CSRP1: variants seen among roughly 807,000 people sequenced by gnomAD.
CSRP1 encodes cysteine and glycine-rich protein 1.
In CSRP1, 16 loss-of-function variants were observed where a neutral mutation model predicts 25.4. That is an observed-to-expected ratio of 0.63 (90% CI 0.43 to 0.96). The LOEUF (loss-of-function observed/expected upper bound fraction) is 0.96, where lower values mean the gene tolerates loss of function less well. Ranked by LOEUF, CSRP1 falls within the 40% of genes least tolerant of loss-of-function variation. The pLI, the probability that CSRP1 is intolerant of heterozygous loss-of-function variation, is 0.00. For synonymous variants in CSRP1, 97 were observed against 95.3 expected (o/e 1.02, Z -0.10); for missense variants, 212 against 243.6 (o/e 0.87, Z 0.86).
intron 4 of CSRP1, chr1:201,485,634 A>C: frequency 1.7e-5 from 8 of 468,874 alleles, no homozygotes; most frequent in Non-Finnish European, 2.7e-5. Context: ...TATACCACAA[A>C]AGGCAGGTGA....
chr1:201,505,677 C>T (rs1031121951), intron 1 of CSRP1, among the ~76,000 whole-genome samples: 15 of 152,208 alleles, frequency 9.9e-5, no homozygotes, highest in African/African-American at 3.1e-4. Flanking sequence ...ACTGGAAGAC[C>T]GTGAGCAGGA....
At chr1:201,490,393 CCTT>C (rs765763956) in intron 2 of CSRP1, 49 bp from the exon 3 acceptor site, 2 of 1,588,438 alleles carry the variant, frequency 1.3e-6, no homozygotes, top group South Asian at 2.2e-5. Context: ...GCTGGGGTGA[CCTT>C]CTTGCTCATT....
In CSRP1 at chr1:201,490,194, A is replaced by G. The variant is rs1375167609; in HGVS notation, c.263T>C (p.Leu88Pro). The change falls in exon 3 of 6, where the codon CTG (leucine) becomes CCG (proline). Residue 88 changes from leucine to proline, a missense_variant. Physicochemically the swap from Leu to Pro is moderately conservative, Grantham distance 98. Transcript: ENST00000340006. ...GTLSTDKGES[L>P]GIKHEEAPGH... ...TACTCACTCCTCGTGCTTGATACCCAGCGACTCCCCCTTGTCAGTGCTGAG... is the reference window on the plus strand; with the variant it reads ...TACTCACTCCTCGTGCTTGATACCCGGCGACTCCCCCTTGTCAGTGCTGAG... The G allele has an allele frequency of 6.2e-7, 1 of 1,613,876 alleles. No homozygotes were observed. Among genetic ancestry groups the G allele is most frequent in the Admixed American group, 1.7e-5 (1 of 60,004 alleles).
At chr1:201,505,168 C>G (rs935306036) in intron 1 of CSRP1, among the ~76,000 whole-genome samples, 5 of 152,138 alleles carry the variant, frequency 3.3e-5, no homozygotes, top group Non-Finnish European at 2.9e-5. Flanking sequence ...GTCAATCTAC[C>G]CAAGTGGAAA....
intron 1 of CSRP1, among the ~76,000 whole-genome samples, chr1:201,498,865 T>G (rs1245608765): frequency 1.3e-5 from 2 of 152,190 alleles, no homozygotes; most frequent in African/African-American, 4.8e-5. Flanking sequence ...CAGAGCTTAC[T>G]GTGGGGAAGT....
intron 4 of CSRP1, chr1:201,486,488 A>G: frequency 4.1e-6 from 4 of 985,604 alleles, no homozygotes; most frequent in South Asian, 4.7e-5. Context: ...CTAACCTTGC[A>G]CATTGGCTTC....
intron 4 of CSRP1, chr1:201,486,952 T>C (rs1455720197): frequency 3.9e-6 from 5 of 1,287,206 alleles, no homozygotes; most frequent in Middle Eastern, 2.2e-4. Context: ...ATAATATTAA[T>C]GTCTCCTGTT....
chr1:201,488,813 G>A, intron 4 of CSRP1, 42 bp downstream of exon 4: 1 of 1,603,242 alleles, frequency 6.2e-7, no homozygotes, highest in South Asian at 1.1e-5. Flanking sequence ...ATTTCAGGAA[G>A]ATATCTCCCC....
intron 4 of CSRP1, chr1:201,486,288 C>T (rs572094037): frequency 2.1e-6 from 2 of 949,660 alleles, no homozygotes; most frequent in South Asian, 4.9e-5. Context: ...GACTTCTCCG[C>T]AGCCAGTTCC....
intron 4 of CSRP1, chr1:201,486,659 C>T: frequency 9.6e-7 from 1 of 1,044,242 alleles, no homozygotes; most frequent in Non-Finnish European, 1.2e-6. Flanking sequence ...AACACCTCTC[C>T]TCATATTTCC....
intron 2 of CSRP1, 81 bp downstream of exon 2, chr1:201,496,111 G>A: frequency 9.8e-7 from 1 of 1,017,594 alleles, no homozygotes; most frequent in Non-Finnish European, 1.6e-6. Flanking sequence ...AGTTCCCTGG[G>A]GTGTTGACAG....
At chr1:201,496,485 C>T (rs868328784) in intron 1 of CSRP1, 181 bp from the exon 2 acceptor site, 1 of 613,756 alleles carries the variant, frequency 1.6e-6, no homozygotes, top group Middle Eastern at 3.1e-4. Context: ...CTCGCACGTT[C>T]TCGGGGATTT....
At chr1:201,495,166 T>G (rs1664471743) in intron 2 of CSRP1, among the ~76,000 whole-genome samples, 1 of 152,128 alleles carries the variant, frequency 6.6e-6, no homozygotes, top group Non-Finnish European at 1.5e-5. Flanking sequence ...GAGGCTGAGG[T>G]GGGCAGACTG....
chr1:201,488,006 G>C (rs550901598), intron 4 of CSRP1: 1 of 152,362 alleles, frequency 6.6e-6, no homozygotes, highest in African/African-American at 2.4e-5. Context: ...ATGGGCTCCA[G>C]GCCCAGACAT....
At chr1:201,485,210 G>T in intron 5 of CSRP1, 73 bp downstream of exon 5, 1 of 1,303,434 alleles carries the variant, frequency 7.7e-7, no homozygotes, top group African/African-American at 1.5e-5. Flanking sequence ...TTTACATTCA[G>T]CAAAGGCAAA....
intron 3 of CSRP1, 65 bp downstream of exon 3, chr1:201,490,111 T>G: frequency 1.3e-5 from 19 of 1,506,308 alleles, no homozygotes; most frequent in African/African-American, 1.4e-5. Flanking sequence ...TAAATACACA[T>G]GAGGCCTAAT....
intron 1 of CSRP1, chr1:201,506,544 A>G (rs1280388168): frequency 6.6e-6 from 1 of 152,250 alleles, no homozygotes; most frequent in Non-Finnish European, 1.5e-5. Flanking sequence ...TTCAGGTTTC[A>G]GTAACCATCA....
chr1:201,486,109 A>C (rs2102402760), intron 4 of CSRP1: 1 of 154,836 alleles, frequency 6.5e-6, no homozygotes, highest in South Asian at 2.1e-4. Context: ...AGAACTTCAG[A>C]GGCTGGGCTG....
At position 201,500,061 on chromosome 1, in the gene CSRP1, C is replaced by T. The variant is rs144619231; in HGVS notation, c.-1-3757G>A. The stretch of plus-strand genomic sequence containing the variant: ...AAGAGATAGACCTGGGATTCTAATG[C>T]AAGCTCATCTATTTCTGAATCCTCT... On this transcript the variant is annotated intron_variant, in intron 1 of 5. Coordinates refer to ENST00000340006, the MANE Select transcript of CSRP1 (RefSeq NM_004078.3). Among the ~76,000 whole-genome samples, 116 of 152,320 alleles carry T rather than the reference C, an allele frequency of 7.6e-4. 1 individual carries two copies. The Middle Eastern group carries it at 0.017, about 22-fold the overall frequency.
Sources: gnomAD v4.1 joint callset for allele counts (sites outside exome capture counted in the v4.1 genomes callset) on GRCh38, gnomAD v4.1.1 for gene constraint, MANE v1.5 for transcripts, NCBI Gene and HGNC (gene_info 2026-07-23, HGNC 2026-07-21) for gene names.